UNC13A: variants seen among roughly 807,000 people sequenced by gnomAD.
The protein encoded by UNC13A is protein unc-13 homolog A.
Under a neutral mutation model 219.7 loss-of-function variants are expected in UNC13A, and 61 were observed. The observed-to-expected ratio is 0.28, with a 90% CI of 0.23 to 0.34. The LOEUF is 0.34. UNC13A is among the 10% of genes least tolerant of loss of function. UNC13A has a pLI of 1.00. For synonymous variants in UNC13A, 920 were observed against 884.6 expected, an observed-to-expected ratio of 1.04 and a Z score of -0.71; for missense variants, 1,476 against 2,270.3, an observed-to-expected ratio of 0.65 and a Z score of 7.11.
At chr19:17,616,351 G>GGGGCGCAGGCACCGGGCACC in intron 41 of UNC13A, 1 of 682,500 alleles carries the variant, frequency 1.5e-6, no homozygotes, top group African/African-American at 1.8e-5. Context: ...GGGGCCAGGA[G>GGGGCGCAGGCACCGGGCACC]GGGCGCAGGC....
intron 1 of UNC13A, among the ~76,000 whole-genome samples, chr19:17,686,304 C>CT (rs2080109205): frequency 5.5e-5 from 1 of 18,210 alleles, no homozygotes; most frequent in Non-Finnish European, 1.5e-4. Flanking sequence ...CCCCGCCCCC[C>CT]CCCCCCCCCC....
Position 17,641,893 on chromosome 19 carries a change from C to T in UNC13A, c.2473-337G>A, listed in dbSNP as rs78763901. On this transcript the variant is annotated intron_variant, in intron 20 of 43. Coordinates refer to ENST00000519716, the MANE Select transcript of UNC13A (RefSeq NM_001080421.3). ...TCAATTTATCCAACCATCCATTTTT[C>T]GTCTGTCCACCAGCCACTCACAACC... Among the ~76,000 whole-genome samples, 179 of 152,142 alleles carry T rather than the reference C, an allele frequency of 1.2e-3. 3 individuals carry two copies. In the East Asian group the frequency reaches 0.031, roughly 27 times the overall value.
chr19:17,675,029 A>G (rs1412164416), intron 2 of UNC13A, among the ~76,000 whole-genome samples: 1 of 152,212 alleles, frequency 6.6e-6, no homozygotes, highest in East Asian at 1.9e-4. Flanking sequence ...AATTGACTGT[A>G]AGAAACCCCC....
intron 1 of UNC13A, among the ~76,000 whole-genome samples, chr19:17,676,814 G>C (rs576686865): frequency 2.0e-5 from 3 of 152,282 alleles, no homozygotes; most frequent in East Asian, 3.9e-4. Context: ...AGGAGTTCAA[G>C]ACCAGCCTGG....
intron 25 of UNC13A, among the ~76,000 whole-genome samples, chr19:17,636,650 T>G (rs2076915103): frequency 1.3e-5 from 2 of 152,096 alleles, no homozygotes; most frequent in African/African-American, 4.8e-5. Flanking sequence ...ATCAAAATAA[T>G]GGAAATAAAT....
intron 8 of UNC13A, among the ~76,000 whole-genome samples, chr19:17,658,913 G>C (rs928519346): frequency 2.6e-5 from 4 of 151,782 alleles, no homozygotes; most frequent in Non-Finnish European, 4.4e-5. Context: ...TGTTTAATAA[G>C]AACTAAAAGA....
chr19:17,681,692 G>A (rs1349597247), intron 1 of UNC13A, among the ~76,000 whole-genome samples: 1 of 152,174 alleles, frequency 6.6e-6, no homozygotes, highest in Non-Finnish European at 1.5e-5. Context: ...AAGGAATGAC[G>A]TCACCTCCTC....
At chr19:17,652,599 T>A (rs2079369812) in intron 12 of UNC13A, 32 bp downstream of exon 12, 2 of 1,613,686 alleles carry the variant, frequency 1.2e-6, no homozygotes, top group African/African-American at 2.7e-5. Flanking sequence ...GGTTCAAATC[T>A]TCCTCCCACC....
Position 17,607,343 on chromosome 19 carries a change from CCT to C in UNC13A, c.4812-991_4812-990del, listed in dbSNP as rs569975057. Among the ~76,000 whole-genome samples, 23 of 150,916 alleles carry C rather than the reference CCT, an allele frequency of 1.5e-4. No homozygotes were observed. In the South Asian group the frequency reaches 4.8e-3, roughly 32 times the overall value. On this transcript the variant is annotated intron_variant, in intron 43 of 43. Transcript: ENST00000519716. ...GTGGCACAATCGCGGCTCACTGCAA[CCT>C]CTGTCTCCCGGGTTCAAACGATTCT... is the stretch of plus-strand genomic sequence containing the variant.
At chr19:17,671,568 C>T (rs1382920200) in intron 4 of UNC13A, among the ~76,000 whole-genome samples, 4 of 151,754 alleles carry the variant, frequency 2.6e-5, no homozygotes, top group Admixed American at 6.6e-5. Context: ...CCCAGGAGTT[C>T]GAAACCAGCC....
intron 41 of UNC13A, among the ~76,000 whole-genome samples, chr19:17,615,655 C>G (rs2076654899): frequency 1.3e-5 from 2 of 152,264 alleles, no homozygotes; most frequent in South Asian, 2.1e-4. Context: ...TGCATTCCAG[C>G]CTGGGTGACA....
chr19:17,634,452 C>T (rs2076891581), intron 26 of UNC13A, among the ~76,000 whole-genome samples: 1 of 151,996 alleles, frequency 6.6e-6, no homozygotes, highest in South Asian at 2.1e-4. Flanking sequence ...GATTCTCGTG[C>T]CTCAGCCTCC....
chr19:17,639,269 C>T (rs577390781), intron 24 of UNC13A, 52 bp from the exon 25 acceptor site: 63 of 1,608,530 alleles, frequency 3.9e-5, no homozygotes, highest in Admixed American at 8.4e-5. Flanking sequence ...AGGAGGTCCC[C>T]AGGAAGTGAC....
At chr19:17,634,260 C>T (rs1404508516) in intron 26 of UNC13A, among the ~76,000 whole-genome samples, 1 of 152,152 alleles carries the variant, frequency 6.6e-6, no homozygotes, top group Non-Finnish European at 1.5e-5. Flanking sequence ...ATCCATCCAT[C>T]CCTCTATCCA....
chr19:17,667,245 G>A (rs113866992), intron 6 of UNC13A, among the ~76,000 whole-genome samples: 3,086 of 97,798 alleles, frequency 0.032, 135 homozygotes, highest in African/African-American at 0.12. Flanking sequence ...GCGAGACTCC[G>A]TCTCAAAAAA....
intron 8 of UNC13A, among the ~76,000 whole-genome samples, chr19:17,659,961 T>A (rs1332148798): frequency 1.3e-5 from 2 of 152,034 alleles, no homozygotes; most frequent in Non-Finnish European, 2.9e-5. Context: ...AGTGGCGCGA[T>A]CAAAACTCAC....
chr19:17,612,951 A>G (rs951809504), intron 41 of UNC13A, among the ~76,000 whole-genome samples: 1 of 152,066 alleles, frequency 6.6e-6, no homozygotes, highest in African/African-American at 2.4e-5. Context: ...CTGTAACCCC[A>G]GTACTTTGGG....
At chr19:17,682,990 G>C (rs4808678) in intron 1 of UNC13A, among the ~76,000 whole-genome samples, 1 of 152,086 alleles carries the variant, frequency 6.6e-6, no homozygotes, top group African/African-American at 2.4e-5. Context: ...GCTTGAACCC[G>C]GGAGGAGGAG....
At chr19:17,658,650 C>T (rs2079503245) in intron 8 of UNC13A, among the ~76,000 whole-genome samples, 1 of 152,132 alleles carries the variant, frequency 6.6e-6, no homozygotes, top group East Asian at 1.9e-4. Context: ...ACAGGAGTCA[C>T]ACAGACAGTC....
Sources: allele counts gnomAD v4.1 joint callset (sites outside exome capture counted in the v4.1 genomes callset), GRCh38; gene constraint gnomAD v4.1.1; transcripts MANE v1.5; gene names NCBI Gene and HGNC (gene_info 2026-07-23, HGNC 2026-07-21).